Variants in THSD7B observed in about 807,000 individuals in gnomAD.
THSD7B encodes thrombospondin type 1 domain containing 7B.
THSD7B carries 138 observed loss-of-function variants against 213.6 expected under a neutral mutation model. The ratio of observed to expected loss-of-function variants is 0.65; its 90% CI spans 0.56 to 0.74. The LOEUF is 0.74. THSD7B is among the 30% of genes least tolerant of loss of function. THSD7B has a pLI of 0.00. For synonymous variants in THSD7B, 742 were observed against 687.0 expected (o/e 1.08, Z -1.25); for missense variants, 1,931 against 1,991.5 (o/e 0.97, Z 0.58).
chr2:137,188,303 T>C (rs1037660979), intron 7 of THSD7B, among the ~76,000 whole-genome samples: 8 of 152,294 alleles, frequency 5.3e-5, no homozygotes, highest in African/African-American at 1.7e-4. Flanking sequence ...AGCAAATGGA[T>C]ATTTCATGTT....
At chr2:137,004,843 G>GT in intron 2 of THSD7B, among the ~76,000 whole-genome samples, 1 of 152,046 alleles carries the variant, frequency 6.6e-6, no homozygotes, top group Non-Finnish European at 1.5e-5. Context: ...AATTCACTGA[G>GT]TTTTTACTGT....
chr2:137,246,364 T>G (rs1682037691), intron 10 of THSD7B, among the ~76,000 whole-genome samples: 1 of 152,152 alleles, frequency 6.6e-6, no homozygotes, highest in Non-Finnish European at 1.5e-5. Flanking sequence ...CATTCTGATT[T>G]AATAGGTTTG....
chr2:137,080,367 GTTTTT>G (rs70975798), intron 3 of THSD7B, among the ~76,000 whole-genome samples: 10,109 of 98,294 alleles, frequency 0.1, 557 homozygotes, highest in African/African-American at 0.19. Context: ...ATGCCCAGCT[GTTTTT>G]TTTTTTTTTT....
intron 22 of THSD7B, among the ~76,000 whole-genome samples, 155 bp downstream of exon 22, chr2:137,655,815 C>T (rs763220948): frequency 1.3e-5 from 2 of 151,970 alleles, no homozygotes; most frequent in East Asian, 1.9e-4. Flanking sequence ...TATATACCTA[C>T]GGCTTTGATG....
intron 26 of THSD7B, among the ~76,000 whole-genome samples, chr2:137,665,569 A>G (rs1263624684): frequency 6.6e-6 from 1 of 152,034 alleles, no homozygotes; most frequent in Admixed American, 6.6e-5. Context: ...GCACCCTGTC[A>G]GGAGGACAGT....
intron 7 of THSD7B, among the ~76,000 whole-genome samples, chr2:137,183,140 G>T (rs1342482730): frequency 2.6e-5 from 4 of 152,024 alleles, no homozygotes; most frequent in Non-Finnish European, 5.9e-5. Context: ...TGGTCGTAAG[G>T]ATGCTATTTT....
At chr2:136,949,729 G>A (rs1166708165) in intron 2 of THSD7B, among the ~76,000 whole-genome samples, 1 of 152,304 alleles carries the variant, frequency 6.6e-6, no homozygotes, top group East Asian at 1.9e-4. Flanking sequence ...GATTAAATTG[G>A]TCTGTGATGA....
intron 10 of THSD7B, among the ~76,000 whole-genome samples, chr2:137,272,058 A>G (rs1190902551): frequency 6.6e-6 from 1 of 152,150 alleles, no homozygotes; most frequent in Non-Finnish European, 1.5e-5. Flanking sequence ...AAGAAATCTA[A>G]TAAACTAATA....
At chr2:137,584,875 C>T (rs1681682894) in intron 17 of THSD7B, among the ~76,000 whole-genome samples, 1 of 152,180 alleles carries the variant, frequency 6.6e-6, no homozygotes, top group South Asian at 2.1e-4. Context: ...AGGATTCCCT[C>T]TTTTTCTATT....
chr2:137,645,167 T>C (rs902040348), intron 21 of THSD7B, among the ~76,000 whole-genome samples: 2 of 152,202 alleles, frequency 1.3e-5, no homozygotes, highest in Non-Finnish European at 2.9e-5. Flanking sequence ...TCGCTGGTTA[T>C]GTGGGCAGGA....
At chr2:137,617,688 C>T (rs1682432610) in intron 18 of THSD7B, among the ~76,000 whole-genome samples, 1 of 152,138 alleles carries the variant, frequency 6.6e-6, no homozygotes, top group African/African-American at 2.4e-5. Context: ...TAACAAATTG[C>T]TATAGACTAA....
At chr2:137,058,534 CT>C (rs1171501477) in intron 3 of THSD7B, among the ~76,000 whole-genome samples, 1 of 152,030 alleles carries the variant, frequency 6.6e-6, no homozygotes, top group Non-Finnish European at 1.5e-5. Context: ...TGTATACTCC[CT>C]GTCTCCAACA....
At chr2:137,094,595 T>C (rs1465336951) in intron 3 of THSD7B, among the ~76,000 whole-genome samples, 1 of 151,796 alleles carries the variant, frequency 6.6e-6, no homozygotes, top group Non-Finnish European at 1.5e-5. Context: ...AGGACCCCCA[T>C]TATTTCTAAT....
intron 17 of THSD7B, among the ~76,000 whole-genome samples, chr2:137,591,392 T>C (rs1681862116): frequency 6.6e-6 from 1 of 151,990 alleles, no homozygotes; most frequent in South Asian, 2.1e-4. Flanking sequence ...TCATTTTCAT[T>C]ATGTCTACAA....
At chr2:137,242,657 G>C in intron 10 of THSD7B, 85 bp downstream of exon 10, 2 of 904,038 alleles carry the variant, frequency 2.2e-6, no homozygotes, top group Non-Finnish European at 3.3e-6. Context: ...TGTGGAATGT[G>C]AGCACCTTTT....
chr2:136,988,909 G>A (rs913322157), intron 2 of THSD7B, among the ~76,000 whole-genome samples: 1 of 152,134 alleles, frequency 6.6e-6, no homozygotes, highest in Non-Finnish European at 1.5e-5. Context: ...CAATGAATCA[G>A]AAAAACAAAT....
intron 5 of THSD7B, among the ~76,000 whole-genome samples, chr2:137,129,739 C>T (rs993581121): frequency 6.6e-6 from 1 of 152,180 alleles, no homozygotes; most frequent in African/African-American, 2.4e-5. Flanking sequence ...CCACACCTGA[C>T]CTTATAATAC....
chr2:136,807,212 C>T (rs1593767), intron 1 of THSD7B, among the ~76,000 whole-genome samples: 4,833 of 152,248 alleles, frequency 0.032, 251 homozygotes, highest in African/African-American at 0.11. Flanking sequence ...GAAAAAGTTA[C>T]ACTCCATCTC....
intron 1 of THSD7B, among the ~76,000 whole-genome samples, chr2:136,792,776 C>A (rs972195240): frequency 6.6e-6 from 1 of 151,982 alleles, no homozygotes; most frequent in African/African-American, 2.4e-5. Flanking sequence ...GATCTTTTTC[C>A]TGTCTCTGTA....
Sources: gnomAD v4.1 joint callset for allele counts (sites outside exome capture counted in the v4.1 genomes callset) on GRCh38, gnomAD v4.1.1 for gene constraint, MANE v1.5 for transcripts, NCBI Gene and HGNC (gene_info 2026-07-23, HGNC 2026-07-21) for gene names.